GLYATL2: variants seen among roughly 807,000 people sequenced by gnomAD.
GLYATL2 encodes glycine N-acyltransferase-like protein 2.
In GLYATL2, 25 loss-of-function variants were observed where a neutral mutation model predicts 21.4. The observed-to-expected ratio is 1.17, with a 90% CI of 0.85 to 1.63. The LOEUF (loss-of-function observed/expected upper bound fraction) is 1.63. GLYATL2 is among the 40% of genes most tolerant of loss of function. The probability of loss-of-function intolerance (pLI) is 0.00; values close to 1 mark genes in which losing one functional copy is unlikely to be tolerated. For missense variants in GLYATL2, 361 were observed against 343.3 expected (o/e 1.05, Z -0.41); for synonymous variants, 114 against 118.2 (o/e 0.96, Z 0.23).
chr11:58,871,925 C>T (rs892998823), intron 1 of GLYATL2, among the ~76,000 whole-genome samples: 1 of 152,200 alleles, frequency 6.6e-6, no homozygotes, highest in Non-Finnish European at 1.5e-5. Context: ...TCCTATTTCT[C>T]CACATCCTCT....
upstream of GLYATL2, among the ~76,000 whole-genome samples, chr11:58,847,083 T>G (rs1853657232): frequency 6.6e-6 from 1 of 152,062 alleles, no homozygotes; most frequent in Non-Finnish European, 1.5e-5. Context: ...TCTAGACATT[T>G]GCTGGGCTGG....
chr11:58,839,119 A>G (rs1285471045), intron 2 of GLYATL2, among the ~76,000 whole-genome samples: 3 of 152,168 alleles, frequency 2.0e-5, no homozygotes, highest in Admixed American at 2.0e-4. Context: ...AAAAGGCTGG[A>G]GAATTTTGGG....
intron 1 of GLYATL2, among the ~76,000 whole-genome samples, chr11:58,886,382 G>T (rs1375345628): frequency 1.3e-5 from 2 of 152,196 alleles, no homozygotes. Flanking sequence ...AAATGACACT[G>T]AGAAATATTA....
chr11:58,898,786 T>G (rs1854680192), intron 1 of GLYATL2, among the ~76,000 whole-genome samples: 1 of 152,016 alleles, frequency 6.6e-6, no homozygotes, highest in African/African-American at 2.4e-5. Flanking sequence ...TGAGCCGAGA[T>G]CGCGCCACTG....
chr11:58,837,219 T>C (rs2134569308), intron 4 of GLYATL2, 42 bp from the exon 5 acceptor site: 2 of 1,612,804 alleles, frequency 1.2e-6, no homozygotes, highest in Non-Finnish European at 1.7e-6. Context: ...ATGCCTTCCA[T>C]ATCGGCTAGG....
At chr11:58,849,936 T>TA (rs1486383111) in intron 1 of GLYATL2, among the ~76,000 whole-genome samples, 1 of 151,492 alleles carries the variant, frequency 6.6e-6, no homozygotes, top group Non-Finnish European at 1.5e-5. Context: ...AAAGTATAAT[T>TA]AAAAAAAGAT....
intron 1 of GLYATL2, among the ~76,000 whole-genome samples, chr11:58,856,623 G>C (rs112051470): frequency 6.6e-6 from 1 of 152,166 alleles, no homozygotes; most frequent in Non-Finnish European, 1.5e-5. Flanking sequence ...TTTAAATGTT[G>C]TTGTGTCTCA....
In GLYATL2 at chr11:58,868,880, A is replaced by AT. The variant is rs1424490180; in HGVS notation, n.61-30513dup. On this transcript the variant is annotated intron_variant and non_coding_transcript_variant, in intron 1 of 4. Transcript: ENST00000533636. ...GGCTCTGCTCCTCTAAATTTGGGAA[A>AT]TTTTTAAAGGATTTTCCACTTGTGG... Among the ~76,000 whole-genome samples the AT allele has an allele frequency of 3.4e-5, 5 of 149,006 alleles. 1 individual carries two copies. Among genetic ancestry groups the AT allele is most frequent in the Non-Finnish European group, 7.4e-5 (5 of 67,178 alleles).
At chr11:58,864,163 A>G (rs1853982851) in intron 1 of GLYATL2, among the ~76,000 whole-genome samples, 1 of 151,872 alleles carries the variant, frequency 6.6e-6, no homozygotes, top group Admixed American at 6.5e-5. Context: ...CTGTATCCAC[A>G]GGGGTCAGCC....
chr11:58,906,230 CCCGTTGTGGTAATTCCCTT>C (rs1240451612), upstream of GLYATL2, among the ~76,000 whole-genome samples: 54 of 152,290 alleles, frequency 3.5e-4, no homozygotes, highest in African/African-American at 1.3e-3. Context: ...CTGGGCCCCG[CCCGTTGTGGTAATTCCCTT>C]CCTGCCTCTC....
intron 1 of GLYATL2, among the ~76,000 whole-genome samples, chr11:58,843,474 G>A (rs1278900036): frequency 3.9e-5 from 6 of 152,174 alleles, no homozygotes; most frequent in African/African-American, 1.2e-4. Flanking sequence ...AGCTCCCTGA[G>A]AGTAGAAGCA....
chr11:58,880,803 C>T (rs553098092), intron 1 of GLYATL2, among the ~76,000 whole-genome samples: 2 of 152,260 alleles, frequency 1.3e-5, no homozygotes, highest in African/African-American at 4.8e-5. Flanking sequence ...CAAAAGGATG[C>T]CTTTGTTTAA....
intron 1 of GLYATL2, among the ~76,000 whole-genome samples, chr11:58,885,752 G>A (rs1193710330): frequency 6.6e-6 from 1 of 152,210 alleles, no homozygotes; most frequent in Non-Finnish European, 1.5e-5. Flanking sequence ...GGTGGAGGGG[G>A]AAGGGGAGGA....
At chr11:58,877,077 A>G (rs1438283761) in intron 1 of GLYATL2, among the ~76,000 whole-genome samples, 2 of 152,018 alleles carry the variant, frequency 1.3e-5, no homozygotes, top group African/African-American at 4.8e-5. Flanking sequence ...TAGGCATAGG[A>G]CCTCTGTGCC....
chr11:58,836,261 A>G (rs1236031623), intron 5 of GLYATL2, among the ~76,000 whole-genome samples: 1 of 152,070 alleles, frequency 6.6e-6, no homozygotes, highest in Non-Finnish European at 1.5e-5. Context: ...TTTTGGAAAT[A>G]TTTTATAATC....
chr11:58,838,123 C>A, intron 3 of GLYATL2, 138 bp downstream of exon 3: 2 of 588,588 alleles, frequency 3.4e-6, no homozygotes, highest in East Asian at 2.9e-5. Context: ...CCCTGTCTCC[C>A]AAACAGCCCT....
chr11:58,888,887 T>C (rs1565107054), intron 1 of GLYATL2, among the ~76,000 whole-genome samples: 1 of 151,986 alleles, frequency 6.6e-6, no homozygotes, highest in Non-Finnish European at 1.5e-5. Context: ...GAACATCAAG[T>C]AATTTTTCCA....
chr11:58,854,313 G>A (rs1188327409), intron 1 of GLYATL2, among the ~76,000 whole-genome samples: 3 of 152,184 alleles, frequency 2.0e-5, no homozygotes, highest in African/African-American at 7.2e-5. Context: ...CAGAGATATG[G>A]AGGGTTTAGT....
At chr11:58,907,706 T>C (rs1258403528), upstream of GLYATL2, 1 of 199,834 alleles carries the variant, frequency 5.0e-6, no homozygotes, top group Non-Finnish European at 1.0e-5. Flanking sequence ...CAAGCTTTGT[T>C]AATTTCACAA....
Sources: allele counts gnomAD v4.1 joint callset (sites outside exome capture counted in the v4.1 genomes callset), GRCh38; gene constraint gnomAD v4.1.1; transcripts MANE v1.5; gene names NCBI Gene and HGNC (gene_info 2026-07-23, HGNC 2026-07-21).